The following SHISA9 variants were observed in gnomAD, a reference collection of about 807,000 sequenced individuals.
The protein encoded by SHISA9 is shisa family member 9, also known as protein shisa-9.
In SHISA9, 13 loss-of-function variants were observed where a neutral mutation model predicts 38.0. The observed-to-expected ratio is 0.34, with a 90% CI of 0.22 to 0.54. The LOEUF (loss-of-function observed/expected upper bound fraction) is 0.54, where lower values mean the gene tolerates loss of function less well. Ranked by LOEUF, SHISA9 falls within the 20% of genes least tolerant of loss-of-function variation. The pLI is 0.91. For synonymous variants in SHISA9, 275 were observed against 242.0 expected (o/e 1.14, Z -1.27); for missense variants, 538 against 575.8 (o/e 0.93, Z 0.67).
chr16:12,956,529 G>A (rs1283385403), intron 2 of SHISA9, among the ~76,000 whole-genome samples: 5 of 152,188 alleles, frequency 3.3e-5, no homozygotes, highest in Admixed American at 6.5e-5. Flanking sequence ...ATACACTGTG[G>A]ACTGCTATGC....
At chr16:13,010,784 T>A (rs2072663062) in intron 2 of SHISA9, among the ~76,000 whole-genome samples, 1 of 152,098 alleles carries the variant, frequency 6.6e-6, no homozygotes, top group Non-Finnish European at 1.5e-5. Context: ...AAACCCCGTC[T>A]CTACTAAAAA....
intron 2 of SHISA9, among the ~76,000 whole-genome samples, chr16:13,114,025 G>T (rs1282493146): frequency 6.6e-6 from 1 of 152,162 alleles, no homozygotes. Context: ...TTTGTTACCT[G>T]TGATGGTTAA....
the SHISA9 span, among the ~76,000 whole-genome samples, chr16:13,435,928 CAT>C: frequency 2.0e-5 from 3 of 152,112 alleles, no homozygotes; most frequent in Admixed American, 6.5e-5. Flanking sequence ...TCACAGGACT[CAT>C]GTGAAGAAAA....
the SHISA9 span, among the ~76,000 whole-genome samples, chr16:13,279,864 A>G: frequency 1.3e-5 from 2 of 151,926 alleles, no homozygotes; most frequent in Non-Finnish European, 2.9e-5. Context: ...ATGTCACTCC[A>G]GTAATGCTCT....
intron 2 of SHISA9, among the ~76,000 whole-genome samples, chr16:13,159,694 A>G (rs571817688): frequency 1.3e-5 from 2 of 152,220 alleles, no homozygotes; most frequent in Non-Finnish European, 2.9e-5. Flanking sequence ...CCAGATATCA[A>G]TTGGCCTCCC....
chr16:13,021,566 G>A (rs887944140), intron 2 of SHISA9, among the ~76,000 whole-genome samples: 2 of 152,164 alleles, frequency 1.3e-5, no homozygotes, highest in Non-Finnish European at 2.9e-5. Context: ...ACAATCAGAT[G>A]AACAACATCT....
At chr16:13,003,315 A>G (rs549101807) in intron 2 of SHISA9, among the ~76,000 whole-genome samples, 15 of 152,370 alleles carry the variant, frequency 9.8e-5, no homozygotes, top group South Asian at 6.2e-4. Context: ...TCCAGGTTAT[A>G]TAAGTTAGAA....
intron 2 of SHISA9, among the ~76,000 whole-genome samples, chr16:13,029,440 T>C (rs909510703): frequency 6.6e-6 from 1 of 152,218 alleles, no homozygotes; most frequent in Middle Eastern, 3.4e-3. Context: ...ACCTCGTCTC[T>C]ACAAAAAAAT....
At chr16:13,209,991 C>T (rs904594834) in intron 3 of SHISA9, among the ~76,000 whole-genome samples, 2 of 152,138 alleles carry the variant, frequency 1.3e-5, no homozygotes, top group African/African-American at 2.4e-5. Context: ...GTCTCAGCTA[C>T]TTGGGAGGCT....
At chr16:13,316,624 A>G in the SHISA9 span, among the ~76,000 whole-genome samples, 1 of 152,190 alleles carries the variant, frequency 6.6e-6, no homozygotes, top group African/African-American at 2.4e-5. Flanking sequence ...TGTTTCATGT[A>G]CCACTAAGAA....
chr16:13,279,128 A>G, the SHISA9 span, among the ~76,000 whole-genome samples: 3 of 151,906 alleles, frequency 2.0e-5, no homozygotes, highest in African/African-American at 7.2e-5. Flanking sequence ...TTAAATTTCC[A>G]TCTGGATTTC....
the SHISA9 span, among the ~76,000 whole-genome samples, chr16:13,444,781 C>A: frequency 3.5e-5 from 5 of 144,210 alleles, no homozygotes; most frequent in African/African-American, 1.1e-4. Context: ...TCTCTTTCTT[C>A]CCTCCCTCTT....
At chr16:13,078,830 T>C (rs2073614332) in intron 2 of SHISA9, among the ~76,000 whole-genome samples, 1 of 152,254 alleles carries the variant, frequency 6.6e-6, no homozygotes, top group Non-Finnish European at 1.5e-5. Flanking sequence ...CATTTAATTC[T>C]GCAGCAACCT....
intron 2 of SHISA9, among the ~76,000 whole-genome samples, chr16:13,018,741 T>C (rs1335004548): frequency 6.6e-6 from 1 of 152,204 alleles, no homozygotes; most frequent in African/African-American, 2.4e-5. Flanking sequence ...CAAATTTGAA[T>C]GTGCATAAAT....
intron 2 of SHISA9, among the ~76,000 whole-genome samples, chr16:12,998,477 C>T (rs1418204947): frequency 6.6e-6 from 1 of 152,148 alleles, no homozygotes; most frequent in Non-Finnish European, 1.5e-5. Context: ...CATGGTACTG[C>T]TAATGTCTTT....
chr16:13,432,610 A>C, the SHISA9 span, among the ~76,000 whole-genome samples: 4 of 152,262 alleles, frequency 2.6e-5, no homozygotes, highest in East Asian at 7.7e-4. Flanking sequence ...TATGGCAGTC[A>C]TTTCAGTTCA....
chr16:13,257,305 C>T, the SHISA9 span, among the ~76,000 whole-genome samples: 9 of 152,262 alleles, frequency 5.9e-5, no homozygotes, highest in East Asian at 1.7e-3. Flanking sequence ...TTAAGCTGAT[C>T]AAGTTGTGCC....
chr16:13,495,041 G>C, the SHISA9 span, among the ~76,000 whole-genome samples: 3 of 152,144 alleles, frequency 2.0e-5, no homozygotes, highest in African/African-American at 7.2e-5. Flanking sequence ...ATACAGAGGA[G>C]ACATATTATT....
chr16:13,125,590 A>G (rs2141981886), intron 2 of SHISA9, among the ~76,000 whole-genome samples: 1 of 152,348 alleles, frequency 6.6e-6, no homozygotes, highest in East Asian at 1.9e-4. Context: ...ATATTAGTCT[A>G]CAATTTGATC....
Sources: gnomAD v4.1 joint callset for allele counts (sites outside exome capture counted in the v4.1 genomes callset) on GRCh38, gnomAD v4.1.1 for gene constraint, MANE v1.5 for transcripts, NCBI Gene and HGNC (gene_info 2026-07-23, HGNC 2026-07-21) for gene names.